Variants in ANPEP observed in about 807,000 individuals in gnomAD.
The protein encoded by ANPEP is aminopeptidase N.
Under a neutral mutation model 114.6 loss-of-function variants are expected in ANPEP, and 70 were observed. That is an observed-to-expected ratio of 0.61 (90% confidence interval 0.50 to 0.75). ANPEP has a LOEUF of 0.75. Ranked by LOEUF, ANPEP falls within the 30% of genes least tolerant of loss-of-function variation. The pLI, the probability that ANPEP is intolerant of heterozygous loss-of-function variation, is 0.00. For synonymous variants in ANPEP, 548 were observed against 522.3 expected (o/e 1.05, Z -0.67); for missense variants, 1,184 against 1,259.5 (o/e 0.94, Z 0.91).
Position 89,804,401 on chromosome 15 carries a change from A to C in ANPEP, c.1031T>G (p.Ile344Ser). ...GCCGGCGTTGAAGTCTGGCAGGCCA[A>C]TCTGGTCTGGGGAGGCGATGCCATT... The part of the protein sequence containing the change: ...TPYPLPKSDQ[I>S]GLPDFNAGAM... Residue 344 changes from isoleucine (I) to serine (S), a missense_variant, in exon 6 of 21, where the codon ATT (isoleucine) becomes AGT (serine). Ile to Ser is a moderately radical substitution (Grantham distance 142). Transcript: ENST00000300060. 1 of 1,614,218 alleles carries C rather than the reference A, an allele frequency of 6.2e-7. No homozygotes were observed. The highest frequency in any genetic ancestry group is 8.5e-7 in the Non-Finnish European group (1 of 1,180,028).
intron 1 of ANPEP, among the ~76,000 whole-genome samples, chr15:89,810,709 T>A (rs560634682): frequency 2.0e-5 from 3 of 152,214 alleles, no homozygotes; most frequent in Admixed American, 6.5e-5. Flanking sequence ...AGGAGCCCAA[T>A]ACATGTTGGC....
In ANPEP at chr15:89,803,887, A is replaced by G; in HGVS notation, c.1293+2T>C. On this transcript the variant is annotated splice_donor_variant, in intron 7 of 20. Coordinates refer to ENST00000300060, the MANE Select transcript of ANPEP (RefSeq NM_001150.3). LOFTEE classifies it high-confidence loss of function. This position sits in a 1 kb window ranked among gnomAD's most constrained non-coding sequence, Gnocchi z 4.2. ...CACCAGACCCCTGGGCAGCTGGCTTACCAAGTTCCAGGTGGGCTCCGCATA... is the reference window on the plus strand; with the variant it reads ...CACCAGACCCCTGGGCAGCTGGCTTGCCAAGTTCCAGGTGGGCTCCGCATA... 1 of 1,614,112 alleles carries G rather than the reference A, an allele frequency of 6.2e-7. No individual in the cohort carries two copies. The highest frequency in any genetic ancestry group is 8.5e-7 in the Non-Finnish European group (1 of 1,179,978).
chr15:89,785,270 T>G lies in ANPEP; in HGVS notation c.*79A>C. ...ACACTGGTGCCTCGGGCTCCAGGAA[T>G]GGAGGCCCTGCACCAGCCGCTGGGA... On this transcript the variant is annotated 3_prime_UTR_variant, in exon 21 of 21. Transcript: ENST00000300060. The G allele has an allele frequency of 6.4e-7, 1 of 1,561,770 alleles. No individual in the cohort carries two copies. Among genetic ancestry groups the G allele is most frequent in the South Asian group, 1.1e-5 (1 of 87,690 alleles).
At chr15:89,801,329 C>G in intron 11 of ANPEP, 106 bp downstream of exon 11, 1 of 1,550,340 alleles carries the variant, frequency 6.5e-7, no homozygotes. Flanking sequence ...GGTCTGTCTA[C>G]AGTGGCTGGG....
intron 10 of ANPEP, among the ~76,000 whole-genome samples, chr15:89,802,901 A>G (rs1894625059): frequency 6.6e-6 from 1 of 151,986 alleles, no homozygotes. Context: ...AGTGGGGAGA[A>G]GGTTGAATGT....
At chr15:89,790,842 A>G in intron 19 of ANPEP, 111 bp downstream of exon 19, 1 of 1,391,286 alleles carries the variant, frequency 7.2e-7, no homozygotes, top group South Asian at 1.4e-5. Context: ...GGCTTGGCTG[A>G]TTTTTGTCCA....
rs1319095650 is a variant in ANPEP, at chr15:89,792,433, G to T, written c.2360+19C>A. On this transcript the variant is annotated intron_variant, in intron 17 of 20. Transcript: ENST00000300060. Reference sequence around the variant, plus strand: ...GGGCAGATGAAGACTGGCAGAGGAGGCGCAGGGGAGACACTCACGGGTTAT... The same window carrying T: ...GGGCAGATGAAGACTGGCAGAGGAGTCGCAGGGGAGACACTCACGGGTTAT... 6.2e-7 allele frequency: 1 copy of T among 1,613,428 alleles called. No individual in the cohort carries two copies. The highest frequency in any genetic ancestry group is 1.1e-5 in the South Asian group (1 of 91,054).
intron 6 of ANPEP, 88 bp from the exon 7 acceptor site, chr15:89,804,090 G>A: frequency 6.4e-7 from 1 of 1,555,116 alleles, no homozygotes. Context: ...CTGGCCATCT[G>A]CCAGGCACAG....
rs1235343537 is a variant in ANPEP, at chr15:89,806,142, G to C, written c.442C>G (p.Pro148Ala). The part of the protein sequence containing the change: ...VLRGVGGSQP[P>A]DIDKTELVEP... The stretch of plus-strand genomic sequence containing the variant: ...ACCAGCTCAGTCTTGTCAATGTCGG[G>C]GGGCTGGGAGCCTCCCACACCACGC... The change falls in exon 2 of 21, where the codon CCC (proline) becomes GCC (alanine). Residue 148 changes from proline (P) to alanine (A), a missense_variant. Physicochemically the swap from Pro to Ala is conservative, Grantham distance 27. Coordinates refer to ENST00000300060, the MANE Select transcript of ANPEP (RefSeq NM_001150.3). This position sits in a 1 kb window ranked among gnomAD's most constrained non-coding sequence, Gnocchi z 5.7. The C allele has an allele frequency of 5.6e-6, 9 of 1,613,952 alleles. No homozygotes were observed. Among genetic ancestry groups the C allele is most frequent in the Non-Finnish European group, 7.6e-6 (9 of 1,180,000 alleles).
rs1382112072 is a variant in ANPEP, at chr15:89,785,319, TGG to T, written c.*28_*29del. The T allele has an allele frequency of 6.2e-7, 1 of 1,612,758 alleles. No homozygotes were observed. Among genetic ancestry groups the T allele is most frequent in the Non-Finnish European group, 8.5e-7 (1 of 1,179,526 alleles). Reference sequence around the variant, plus strand: ...GATGGACACATGTGGGCACCTTGCATGGGGGCCGGGTGACTTCAAGGGCTGGG... The same window carrying T: ...GATGGACACATGTGGGCACCTTGCATGGGCCGGGTGACTTCAAGGGCTGGG... On this transcript the variant is annotated 3_prime_UTR_variant, in exon 21 of 21. Transcript: ENST00000300060.
chr15:89,797,439 T>G, intron 15 of ANPEP, 136 bp downstream of exon 15: 1 of 1,281,320 alleles, frequency 7.8e-7, no homozygotes, highest in Non-Finnish European at 1.1e-6. Context: ...ATCTTTCTTT[T>G]TTTTTGGTTT....
In ANPEP at chr15:89,801,469, G is replaced by C. The variant is rs775937784; in HGVS notation, c.1708C>G (p.Pro570Ala). 6.2e-6 allele frequency: 10 copies of C among 1,614,068 alleles called. No individual in the cohort carries two copies. The East Asian group carries it at 2.2e-4, about 36-fold the overall frequency. The change falls in exon 11 of 21, where the codon CCC becomes GCC. Residue 570 changes from proline (P) to alanine (A), a missense_variant. Coordinates refer to ENST00000300060, the MANE Select transcript of ANPEP (RefSeq NM_001150.3). ...TLSQEHFLLDPDSNVTRPSEF... is the reference protein window; with the variant it reads ...TLSQEHFLLDADSNVTRPSEF... ...GAGGGGCGGGTAACATTGGAATCGG[G>C]GTCAAGGAGGAAGTGCTCCTGGGAA...
chr15:89,790,386 G>A (rs1040213927), intron 20 of ANPEP, 74 bp downstream of exon 20: 15 of 1,424,540 alleles, frequency 1.1e-5, no homozygotes, highest in Middle Eastern at 3.6e-4. Flanking sequence ...AGGGCCACGT[G>A]GGAGAAGAAT....
intron 19 of ANPEP, 132 bp downstream of exon 19, chr15:89,790,821 C>T: frequency 8.3e-7 from 1 of 1,211,606 alleles, no homozygotes. Flanking sequence ...CCTGCCCCAC[C>T]CTAGCCCCCA....
At position 89,792,037 on chromosome 15, in the gene ANPEP, ACTGCCTCC is replaced by A; in HGVS notation, c.2528+115_2528+122del. On this transcript the variant is annotated intron_variant, in intron 18 of 20. Coordinates refer to ENST00000300060, the MANE Select transcript of ANPEP (RefSeq NM_001150.3). ...AGTCTGCACCGGTTACTTTGGAAAT[ACTGCCTCC>A]ACCTCAACAGGTCTGTGGGGGTCAC... 6.8e-6 allele frequency: 8 copies of A among 1,176,834 alleles called. No homozygotes were observed. The South Asian group carries it at 1.3e-4, about 18-fold the overall frequency. 72.9% of individuals were successfully genotyped at this position (1,176,834 alleles called of 1,614,324 possible).
rs1359468659 is a variant in ANPEP, at chr15:89,800,963, A to G, written c.1819+148T>C. 4 of 674,634 alleles carry G rather than the reference A, an allele frequency of 5.9e-6. No individual in the cohort carries two copies. In the African/African-American group the frequency reaches 7.2e-5, roughly 12 times the overall value. 41.8% of individuals were successfully genotyped at this position (674,634 alleles called of 1,614,324 possible). On this transcript the variant is annotated intron_variant, in intron 12 of 20. Transcript: ENST00000300060. ...GGGATGGTAACTTGCCCAGAGTCACACAGCGAAGCAGCAGCAAAGTGGAGA... is the reference window on the plus strand; with the variant it reads ...GGGATGGTAACTTGCCCAGAGTCACGCAGCGAAGCAGCAGCAAAGTGGAGA...
chr15:89,803,217 G>T lies in ANPEP; in HGVS notation c.1569+22C>A. 1 of 1,611,582 alleles carries T rather than the reference G, an allele frequency of 6.2e-7. No individual in the cohort carries two copies. The highest frequency in any genetic ancestry group is 8.5e-7 in the Non-Finnish European group (1 of 1,177,646). On this transcript the variant is annotated intron_variant, in intron 10 of 20. Transcript: ENST00000300060. This position sits in a 1 kb window ranked among gnomAD's most constrained non-coding sequence, Gnocchi z 4.2. ...CTCAAGACCCCAACAGGATGGCTGT[G>T]GAGGGGCTGGCTGCTACTGACCTCC...
chr15:89,792,383 G>T (rs1968647826), intron 17 of ANPEP, 56 bp from the exon 18 acceptor site: 19 of 1,612,624 alleles, frequency 1.2e-5, no homozygotes, highest in Non-Finnish European at 1.6e-5. Context: ...GTGGGACAGG[G>T]TTCTGCTGAG....
At chr15:89,795,351 G>A (rs1968708648) in intron 15 of ANPEP, among the ~76,000 whole-genome samples, 1 of 152,116 alleles carries the variant, frequency 6.6e-6, no homozygotes, top group Non-Finnish European at 1.5e-5. Context: ...GAAATAAGCT[G>A]GATTACAGGG....
Sources: gnomAD v4.1 joint callset for allele counts (sites outside exome capture counted in the v4.1 genomes callset) on GRCh38, gnomAD v4.1.1 for gene constraint, Gnocchi (gnomAD v3.1) non-coding constraint, MANE v1.5 for transcripts, NCBI Gene and HGNC (gene_info 2026-07-23, HGNC 2026-07-21) for gene names.